The following HPSE2 variants were observed in gnomAD, a reference collection of about 807,000 sequenced individuals.
HPSE2 encodes the protein inactive heparanase-2.
HPSE2 carries 38 observed loss-of-function variants against 60.5 expected under a neutral mutation model. The observed-to-expected ratio is 0.63, with a 90% CI of 0.48 to 0.82. The LOEUF is 0.82. Ranked by LOEUF, HPSE2 falls within the 40% of genes least tolerant of loss-of-function variation. The pLI, the probability that HPSE2 is intolerant of heterozygous loss-of-function variation, is 0.00. For missense variants in HPSE2, 713 were observed against 740.4 expected (o/e 0.96, Z 0.43); for synonymous variants, 295 against 293.2 (o/e 1.01, Z -0.06).
intron 3 of HPSE2, among the ~76,000 whole-genome samples, chr10:98,800,620 T>G (rs1194503990): frequency 6.6e-6 from 1 of 151,482 alleles, no homozygotes; most frequent in Non-Finnish European, 1.5e-5. Flanking sequence ...AATTGGAAAA[T>G]CTAGCAGAAA....
At chr10:98,769,764 G>A (rs1346604868) in intron 3 of HPSE2, among the ~76,000 whole-genome samples, 1 of 152,188 alleles carries the variant, frequency 6.6e-6, no homozygotes, top group Non-Finnish European at 1.5e-5. Flanking sequence ...TATAATCAAA[G>A]CTGAGACATG....
At chr10:98,654,298 C>A (rs1352519605) in intron 6 of HPSE2, among the ~76,000 whole-genome samples, 1 of 152,120 alleles carries the variant, frequency 6.6e-6, no homozygotes, top group Non-Finnish European at 1.5e-5. Flanking sequence ...TTACTTCAAG[C>A]CATTATTTTC....
chr10:99,114,837 C>T (rs1455669741), intron 3 of HPSE2, among the ~76,000 whole-genome samples: 2 of 150,328 alleles, frequency 1.3e-5, no homozygotes, highest in East Asian at 4.0e-4. Context: ...TGGCGTGAAC[C>T]CGGGAGGCAG....
chr10:99,269,611 T>C, the HPSE2 span, among the ~76,000 whole-genome samples: 3 of 152,142 alleles, frequency 2.0e-5, no homozygotes, highest in South Asian at 2.1e-4. Flanking sequence ...ATGAACTTAA[T>C]GTTACGCTAG....
chr10:98,964,324 A>G (rs1955759348), intron 3 of HPSE2, among the ~76,000 whole-genome samples: 1 of 152,172 alleles, frequency 6.6e-6, no homozygotes, highest in African/African-American at 2.4e-5. Context: ...TATTATAAAT[A>G]AAGAAGTTTA....
At chr10:98,869,027 G>A (rs1265644056) in intron 3 of HPSE2, among the ~76,000 whole-genome samples, 2 of 152,012 alleles carry the variant, frequency 1.3e-5, no homozygotes, top group Non-Finnish European at 2.9e-5. Context: ...TGTGTGTGGT[G>A]CGTATGTGTG....
At chr10:98,796,136 G>C (rs928160104) in intron 3 of HPSE2, among the ~76,000 whole-genome samples, 4 of 152,220 alleles carry the variant, frequency 2.6e-5, no homozygotes, top group Non-Finnish European at 4.4e-5. Context: ...GTTTGAGAAA[G>C]AGGGAAAAGT....
intron 3 of HPSE2, among the ~76,000 whole-genome samples, chr10:98,920,343 C>T (rs1428933132): frequency 1.3e-5 from 2 of 152,154 alleles, no homozygotes; most frequent in African/African-American, 2.4e-5. Context: ...TGGCTGAAGG[C>T]TCTCCCTGCC....
chr10:98,760,766 T>C (rs1413403580), intron 3 of HPSE2, among the ~76,000 whole-genome samples: 1 of 152,142 alleles, frequency 6.6e-6, no homozygotes. Context: ...TCTTTTCTTG[T>C]AGTGACCTTG....
intron 3 of HPSE2, among the ~76,000 whole-genome samples, chr10:98,983,513 C>A (rs2135307940): frequency 6.6e-6 from 1 of 152,352 alleles, no homozygotes; most frequent in South Asian, 2.1e-4. Context: ...TTGTCTCAAA[C>A]TTATTTTTAA....
intron 4 of HPSE2, among the ~76,000 whole-genome samples, chr10:98,729,810 A>T (rs1463235197): frequency 6.6e-6 from 1 of 152,082 alleles, no homozygotes; most frequent in East Asian, 1.9e-4. Context: ...AAGATATAAC[A>T]ATTAGAAACA....
intron 6 of HPSE2, among the ~76,000 whole-genome samples, chr10:98,643,776 A>G (rs1407510507): frequency 6.6e-6 from 1 of 152,214 alleles, no homozygotes; most frequent in East Asian, 1.9e-4. Flanking sequence ...TAGTGTTAAA[A>G]TTAAAAATAA....
intron 3 of HPSE2, among the ~76,000 whole-genome samples, chr10:99,090,970 G>T (rs2135597118): frequency 6.6e-6 from 1 of 152,080 alleles, no homozygotes; most frequent in East Asian, 1.9e-4. Flanking sequence ...AGCCAATTCT[G>T]TCCTGGCCTG....
chr10:98,951,888 C>T (rs1307131926), intron 3 of HPSE2, among the ~76,000 whole-genome samples: 1 of 152,124 alleles, frequency 6.6e-6, no homozygotes, highest in African/African-American at 2.4e-5. Flanking sequence ...TTCCCCCAGC[C>T]CTTTGAATAG....
At chr10:98,889,587 G>T (rs1328172931) in intron 3 of HPSE2, among the ~76,000 whole-genome samples, 1 of 152,082 alleles carries the variant, frequency 6.6e-6, no homozygotes, top group Admixed American at 6.6e-5. Flanking sequence ...ATGAGAGCAA[G>T]AAAAAGCATA....
chr10:99,139,499 AAT>A (rs141419107), intron 3 of HPSE2, among the ~76,000 whole-genome samples: 35 of 151,190 alleles, frequency 2.3e-4, no homozygotes, highest in African/African-American at 4.4e-4. Context: ...AGAGAGGTTA[AAT>A]ATATATATAT....
chr10:98,973,887 A>T (rs942144577), intron 3 of HPSE2, among the ~76,000 whole-genome samples: 8 of 152,180 alleles, frequency 5.3e-5, no homozygotes, highest in Non-Finnish European at 1.0e-4. Context: ...TTATTTTAAA[A>T]TACTATATTC....
chr10:98,600,914 T>TGTATATATATATAC, intron 9 of HPSE2, among the ~76,000 whole-genome samples: 1 of 29,386 alleles, frequency 3.4e-5, no homozygotes, highest in South Asian at 2.0e-3. Context: ...TGTGTGTGTA[T>TGTATATATATATAC]ATATATATAT....
chr10:98,675,539 TACACACACACACACACAC>T (rs774393556), intron 6 of HPSE2, among the ~76,000 whole-genome samples: 1 of 121,488 alleles, frequency 8.2e-6, no homozygotes, highest in Non-Finnish European at 1.8e-5. Flanking sequence ...GATCCCTGTC[TACACACACACACACACAC>T]ACACACACAC....
Sources: allele counts gnomAD v4.1 joint callset (sites outside exome capture counted in the v4.1 genomes callset), GRCh38; gene constraint gnomAD v4.1.1; transcripts MANE v1.5; gene names NCBI Gene and HGNC (gene_info 2026-07-23, HGNC 2026-07-21).